Variants in SEZ6L observed in about 807,000 individuals in gnomAD.
SEZ6L encodes seizure 6-like protein.
SEZ6L carries 37 observed loss-of-function variants against 106.2 expected under a neutral mutation model. That is an observed-to-expected ratio of 0.35 (90% CI 0.27 to 0.46). The LOEUF (loss-of-function observed/expected upper bound fraction) is 0.46, where lower values mean the gene tolerates loss of function less well. SEZ6L is among the 20% of genes least tolerant of loss of function. SEZ6L has a pLI of 1.00. For missense variants in SEZ6L, 1,172 were observed against 1,332.8 expected (o/e 0.88, Z 1.88); for synonymous variants, 541 against 570.4 (o/e 0.95, Z 0.73).
Position 26,351,205 on chromosome 22 carries a change from G to C in SEZ6L, c.2561G>C (p.Gly854Ala), listed in dbSNP as rs1328747002. ...CTGACCTGCTACAGCCGTGAAACAG[G>C]GACTCCCATCTGGACGTCTCGCCTG... ...SLLTCYSRET[G>A]TPIWTSRLPH... The change falls in exon 12 of 17, where the codon GGG becomes GCG. Residue 854 changes from glycine to alanine, a missense_variant. Gly to Ala is a moderately conservative substitution (Grantham distance 60). Transcript: ENST00000248933. The C allele has an allele frequency of 3.1e-6, 5 of 1,613,974 alleles. No homozygotes were observed. Among genetic ancestry groups the C allele is most frequent in the Non-Finnish European group, 4.2e-6 (5 of 1,180,004 alleles).
intron 9 of SEZ6L, among the ~76,000 whole-genome samples, chr22:26,330,953 CTTT>C (rs2082461700): frequency 6.6e-6 from 1 of 152,152 alleles, no homozygotes; most frequent in Admixed American, 6.5e-5. Flanking sequence ...TCGAAAAAGC[CTTT>C]TAAAGGCAAG....
chr22:26,318,673 G>C (rs1050729859), intron 9 of SEZ6L, among the ~76,000 whole-genome samples: 19 of 152,166 alleles, frequency 1.2e-4, no homozygotes, highest in African/African-American at 4.1e-4. Flanking sequence ...ATATCCTCTT[G>C]CTTCCTCACC....
chr22:26,319,082 C>T (rs956808388), intron 9 of SEZ6L, among the ~76,000 whole-genome samples: 4 of 152,104 alleles, frequency 2.6e-5, no homozygotes, highest in Non-Finnish European at 5.9e-5. Context: ...CTTACAAGCC[C>T]GTATGAGCCT....
At chr22:26,307,856 A>G (rs1350699765) in intron 6 of SEZ6L, among the ~76,000 whole-genome samples, 1 of 152,102 alleles carries the variant, frequency 6.6e-6, no homozygotes, top group Non-Finnish European at 1.5e-5. Context: ...CAAAATGAGT[A>G]TTTTCTTATT....
At position 26,347,945 on chromosome 22, in the gene SEZ6L, C is replaced by G. The variant is rs763618224; in HGVS notation, c.2407+32C>G. ...GTGGTCTTGTTTCCTTCCTCTAGGT[C>G]CCTGGGTGGCAAATCCCTTCTAGGG... On this transcript the variant is annotated intron_variant, in intron 11 of 16. Transcript: ENST00000248933. 2.0e-6 allele frequency: 3 copies of G among 1,508,322 alleles called. No homozygotes were observed. In the East Asian group the frequency reaches 7.5e-5, roughly 37 times the overall value. The allele number at this position is 1,508,322 out of a possible 1,614,324, so 93.4% of individuals were successfully genotyped here. A position where few individuals can be genotyped will look rare whatever the true frequency, so the allele number is the denominator to read the frequency against.
At chr22:26,273,353 CAAT>C (rs1459049985) in intron 1 of SEZ6L, among the ~76,000 whole-genome samples, 2 of 152,244 alleles carry the variant, frequency 1.3e-5, no homozygotes, top group Non-Finnish European at 2.9e-5. Flanking sequence ...GGGGAGCTGA[CAAT>C]GGCCACTCTG....
chr22:26,208,841 A>ACT (rs202119093), intron 1 of SEZ6L, among the ~76,000 whole-genome samples: 783 of 72,586 alleles, frequency 0.011, 4 homozygotes, highest in Non-Finnish European at 0.013. Flanking sequence ...CTACTTCTTG[A>ACT]CTCTCTCTCT....
chr22:26,187,889 A>G (rs1269418682), intron 1 of SEZ6L, among the ~76,000 whole-genome samples: 1 of 152,144 alleles, frequency 6.6e-6, no homozygotes, highest in Non-Finnish European at 1.5e-5. Flanking sequence ...AGCAAAAGAC[A>G]TTTTTACAAA....
intron 8 of SEZ6L, among the ~76,000 whole-genome samples, chr22:26,312,555 G>T (rs2081871529): frequency 1.3e-5 from 2 of 150,280 alleles, no homozygotes; most frequent in East Asian, 4.0e-4. Context: ...GGACAGTGTT[G>T]TAGAACCCTC....
At chr22:26,310,861 T>A in intron 7 of SEZ6L, 25 bp downstream of exon 7, 1 of 1,609,214 alleles carries the variant, frequency 6.2e-7, no homozygotes, top group Non-Finnish European at 8.5e-7. Flanking sequence ...GAGCTTCCCT[T>A]TCTCTTGTGG....
At chr22:26,343,831 T>G (rs2082922754) in intron 10 of SEZ6L, among the ~76,000 whole-genome samples, 1 of 152,178 alleles carries the variant, frequency 6.6e-6, no homozygotes, top group Non-Finnish European at 1.5e-5. Context: ...ACAGTTAATT[T>G]CACAAGAATG....
chr22:26,264,967 G>A (rs1411771066), intron 1 of SEZ6L, among the ~76,000 whole-genome samples: 2 of 152,138 alleles, frequency 1.3e-5, no homozygotes, highest in Non-Finnish European at 2.9e-5. Flanking sequence ...CAATAATATG[G>A]GGATATTCTG....
chr22:26,263,054 G>T (rs898092001), intron 1 of SEZ6L, among the ~76,000 whole-genome samples: 1 of 152,172 alleles, frequency 6.6e-6, no homozygotes, highest in Non-Finnish European at 1.5e-5. Flanking sequence ...ACCTAGCCCT[G>T]GTTCCCCTAA....
chr22:26,262,509 A>T (rs1426766784), intron 1 of SEZ6L, among the ~76,000 whole-genome samples: 2 of 152,226 alleles, frequency 1.3e-5, no homozygotes, highest in Non-Finnish European at 2.9e-5. Flanking sequence ...CTATGTGCCC[A>T]TATTGCAGCT....
chr22:26,258,462 G>C (rs764857914), intron 1 of SEZ6L, among the ~76,000 whole-genome samples: 1 of 152,174 alleles, frequency 6.6e-6, no homozygotes, highest in Non-Finnish European at 1.5e-5. Flanking sequence ...ATGCAAAAGA[G>C]AGGGCAAAAG....
chr22:26,271,690 G>T (rs1313674097), intron 1 of SEZ6L, among the ~76,000 whole-genome samples: 1 of 152,150 alleles, frequency 6.6e-6, no homozygotes, highest in African/African-American at 2.4e-5. Context: ...TTCATCTTCT[G>T]CCGTGATTAA....
At chr22:26,313,673 G>A in intron 8 of SEZ6L, 91 bp from the exon 9 acceptor site, 1 of 1,492,498 alleles carries the variant, frequency 6.7e-7, no homozygotes, top group Non-Finnish European at 9.2e-7. Context: ...ATTCACGGCT[G>A]TCTGACTTCA....
chr22:26,181,086 C>T (rs1939359238), intron 1 of SEZ6L, among the ~76,000 whole-genome samples: 1 of 152,208 alleles, frequency 6.6e-6, no homozygotes, highest in Non-Finnish European at 1.5e-5. Context: ...CCTTGCCCCT[C>T]TCTGCAGGGT....
intron 9 of SEZ6L, among the ~76,000 whole-genome samples, chr22:26,337,437 A>G (rs1393178963): frequency 6.6e-6 from 1 of 152,232 alleles, no homozygotes; most frequent in Non-Finnish European, 1.5e-5. Context: ...TATATCTGCC[A>G]TCTACCATGT....
Sources: allele counts gnomAD v4.1 joint callset (sites outside exome capture counted in the v4.1 genomes callset), GRCh38; gene constraint gnomAD v4.1.1; transcripts MANE v1.5; gene names NCBI Gene and HGNC (gene_info 2026-07-23, HGNC 2026-07-21).